The following NFATC2 variants were observed in gnomAD, a reference collection of about 807,000 sequenced individuals.
NFATC2 encodes the protein nuclear factor of activated T cells 2, also known as nuclear factor of activated T-cells, cytoplasmic 2.
NFATC2 carries 22 observed loss-of-function variants against 87.3 expected under a neutral mutation model. The observed-to-expected ratio is 0.25, with a 90% CI of 0.18 to 0.36. The LOEUF is 0.36. NFATC2 is among the 10% of genes least tolerant of loss of function. NFATC2 has a pLI of 1.00. For synonymous variants in NFATC2, 565 were observed against 542.2 expected (o/e 1.04, Z -0.58); for missense variants, 1,149 against 1,259.1 (o/e 0.91, Z 1.32).
intron 9 of NFATC2, among the ~76,000 whole-genome samples, chr20:51,430,389 CA>C (rs1293164463): frequency 1.1e-4 from 16 of 152,212 alleles, no homozygotes; most frequent in Non-Finnish European, 4.4e-5. Context: ...AAATAAGCAC[CA>C]AAACCTTATC....
At position 51,473,965 on chromosome 20, in the gene NFATC2, C is replaced by A; in HGVS notation, c.1708+15G>T. The A allele has an allele frequency of 6.2e-7, 1 of 1,608,916 alleles. No homozygotes were observed. Among genetic ancestry groups the A allele is most frequent in the Non-Finnish European group, 8.5e-7 (1 of 1,175,986 alleles). The stretch of plus-strand genomic sequence containing the variant: ...CGCTTTCTGAAGAAAGACCGGGCCC[C>A]AGGGCCCAACTTACAGCACTCGATG... On this transcript the variant is annotated intron_variant, in intron 5 of 10. Transcript: ENST00000371564.
In NFATC2 at chr20:51,432,240, C is replaced by T. The variant is rs774423532; in HGVS notation, c.2549G>A (p.Ser850Asn). 1.9e-6 allele frequency: 3 copies of T among 1,614,052 alleles called. No individual in the cohort carries two copies. The East Asian group carries it at 6.7e-5, about 36-fold the overall frequency. Residue 850 changes from serine to asparagine, a missense_variant, in exon 9 of 11, where the codon AGT becomes AAT. Around this residue, in one of 3 missense-constraint regions of NFATC2, gnomAD observed 581 missense variants for 649.7 expected, o/e 0.89. Coordinates refer to ENST00000371564, the MANE Select transcript of NFATC2 (RefSeq NM_012340.5). The surrounding 1 kb of genome is among the most constrained non-coding windows in gnomAD (Gnocchi z 4.6). ...GTTRPGPPPVSQGQRLSPGSY... is the reference protein window; with the variant it reads ...GTTRPGPPPVNQGQRLSPGSY... ...ACCCGGGCTCAGCCTCTGACCTTGA[C>T]TGACCGGGGGCGGGCCAGGTCTGGT...
At chr20:51,503,164 C>T (rs2076118749) in intron 3 of NFATC2, among the ~76,000 whole-genome samples, 1 of 152,096 alleles carries the variant, frequency 6.6e-6, no homozygotes, top group Admixed American at 6.6e-5. Flanking sequence ...GAGGTGGCCA[C>T]CTAGGTATGA....
chr20:51,562,830 G>A, upstream of NFATC2: 1 of 527,762 alleles, frequency 1.9e-6, no homozygotes, highest in South Asian at 2.7e-5. This position sits in a 1 kb window ranked among gnomAD's most constrained non-coding sequence, Gnocchi z 5.8. Context: ...GCTTACTCCA[G>A]AGGCAACGCG....
intron 9 of NFATC2, among the ~76,000 whole-genome samples, chr20:51,426,108 G>C (rs1981794257): frequency 8.8e-6 from 1 of 113,124 alleles, no homozygotes. Flanking sequence ...CCAAAGATCA[G>C]AGTAGCCCAT....
At chr20:51,426,568 C>T (rs745737737) in intron 9 of NFATC2, among the ~76,000 whole-genome samples, 5 of 152,094 alleles carry the variant, frequency 3.3e-5, no homozygotes, top group Non-Finnish European at 5.9e-5. Flanking sequence ...CTCAGCACAG[C>T]CTTTGAAGGG....
At chr20:51,408,328 A>G (rs985015279) in intron 9 of NFATC2, among the ~76,000 whole-genome samples, 1 of 152,124 alleles carries the variant, frequency 6.6e-6, no homozygotes, top group African/African-American at 2.4e-5. Flanking sequence ...AGCCTGGCCA[A>G]CATAGGGAAA....
intron 3 of NFATC2, among the ~76,000 whole-genome samples, chr20:51,506,749 G>T (rs1325021637): frequency 5.7e-4 from 3 of 5,304 alleles, no homozygotes; most frequent in African/African-American, 7.9e-3. Context: ...GAGATGGCTC[G>T]GGGGCCTGCG....
intron 1 of NFATC2, among the ~76,000 whole-genome samples, chr20:51,548,621 T>C (rs2076908387): frequency 6.6e-6 from 1 of 152,252 alleles, no homozygotes; most frequent in African/African-American, 2.4e-5. Flanking sequence ...ATTCATTGTT[T>C]ACCTGAAATT....
chr20:51,484,112 C>T lies in NFATC2; in HGVS notation c.1333-8452G>A, dbSNP rs376596351. On this transcript the variant is annotated intron_variant, in intron 3 of 10. Transcript: ENST00000371564. Reference sequence around the variant, plus strand: ...ACCCACCCTTCTTCCCTCCCTGCTGCCCCCCATGACAGCCACACTGGCCTT... The same window carrying T: ...ACCCACCCTTCTTCCCTCCCTGCTGTCCCCCATGACAGCCACACTGGCCTT... 2.0e-4 allele frequency among the ~76,000 whole-genome samples: 31 copies of T among 151,702 alleles called. 1 individual carries two copies. In the South Asian group the frequency reaches 5.9e-3, roughly 29 times the overall value.
chr20:51,562,778 CCGGCTCCCGGCTCGGCGGAGTCGGCG>C, upstream of NFATC2: 3 of 632,430 alleles, frequency 4.7e-6, no homozygotes, highest in South Asian at 6.9e-5. This position sits in a 1 kb window ranked among gnomAD's most constrained non-coding sequence, Gnocchi z 5.8. Flanking sequence ...TGCGCGCCTC[CCGGCTCCCGGCTCGGCGGAGTCGGCG>C]CGGCTCCGCG....
At chr20:51,478,553 C>A (rs1336027625) in intron 3 of NFATC2, among the ~76,000 whole-genome samples, 2 of 152,198 alleles carry the variant, frequency 1.3e-5, no homozygotes, top group African/African-American at 4.8e-5. Flanking sequence ...CTCTTGTTGG[C>A]ACACCTGCCC....
intron 5 of NFATC2, among the ~76,000 whole-genome samples, chr20:51,455,473 T>A (rs746760278): frequency 1.3e-4 from 19 of 151,854 alleles, no homozygotes; most frequent in Non-Finnish European, 2.4e-4. Flanking sequence ...AAAACAGCAG[T>A]ACCCAGCCCG....
intron 6 of NFATC2, among the ~76,000 whole-genome samples, chr20:51,450,427 G>C (rs1281241504): frequency 6.6e-6 from 1 of 152,168 alleles, no homozygotes; most frequent in Non-Finnish European, 1.5e-5. Context: ...AGGCAGGAAG[G>C]TCACTGGAGT....
chr20:51,432,477 A>G lies in NFATC2; in HGVS notation c.2312T>C (p.Met771Thr). The G allele has an allele frequency of 3.2e-6, 5 of 1,554,984 alleles. No homozygotes were observed. The highest frequency in any genetic ancestry group is 4.3e-6 in the Non-Finnish European group (5 of 1,150,298). The change falls in exon 9 of 11, where the codon ATG (methionine) becomes ACG (threonine). Residue 771 changes from methionine to threonine, a missense_variant. Coordinates refer to ENST00000371564, the MANE Select transcript of NFATC2 (RefSeq NM_012340.5). This position sits in a 1 kb window ranked among gnomAD's most constrained non-coding sequence, Gnocchi z 4.6. Reference protein sequence around the residue: ...SLLGYQQPALMAAPLSLADAH... With the variant: ...SLLGYQQPALTAAPLSLADAH... ...GTCCGCAAGGGACAGCGGGGCGGCC[A>G]TGAGGGCCGGCTGCTGATAGCCCAG...
At chr20:51,530,795 C>T (rs2076620902) in intron 1 of NFATC2, among the ~76,000 whole-genome samples, 1 of 152,122 alleles carries the variant, frequency 6.6e-6, no homozygotes, top group Admixed American at 6.5e-5. Context: ...CTGAGCCACC[C>T]CCTCCTGGAG....
intron 1 of NFATC2, among the ~76,000 whole-genome samples, chr20:51,540,265 A>G (rs2076785198): frequency 6.6e-6 from 1 of 152,108 alleles, no homozygotes; most frequent in Non-Finnish European, 1.5e-5. Context: ...CGCCCGCCTC[A>G]GCCTCCCAAA....
intron 6 of NFATC2, among the ~76,000 whole-genome samples, chr20:51,437,993 C>A (rs1291685881): frequency 7.1e-6 from 1 of 141,060 alleles, no homozygotes; most frequent in Non-Finnish European, 1.6e-5. Flanking sequence ...TTTTCTCAGA[C>A]AACTGAGCAG....
chr20:51,395,035 T>C (rs1986857360), intron 10 of NFATC2, among the ~76,000 whole-genome samples: 1 of 152,158 alleles, frequency 6.6e-6, no homozygotes, highest in Non-Finnish European at 1.5e-5. Context: ...CTAGGTCCCT[T>C]GGTTTAAGGA....
Sources: allele counts gnomAD v4.1 joint callset (sites outside exome capture counted in the v4.1 genomes callset), GRCh38; gene constraint gnomAD v4.1.1; regional missense constraint gnomAD v4.1.1; non-coding constraint Gnocchi (gnomAD v3.1); transcripts MANE v1.5; gene names NCBI Gene and HGNC (gene_info 2026-07-23, HGNC 2026-07-21).